LYPD8: variants seen among roughly 807,000 people sequenced by gnomAD.
The protein encoded by LYPD8 is LY6/PLAUR domain containing 8, also known as ly6/PLAUR domain-containing protein 8.
LYPD8 carries 8 observed loss-of-function variants against 1.7 expected under a neutral mutation model. The observed-to-expected ratio is 4.58, with a 90% CI of 2.69 to 8.27. The LOEUF (loss-of-function observed/expected upper bound fraction) is 8.27, where lower values mean the gene tolerates loss of function less well. Ranked by LOEUF, LYPD8 falls within the 30% of genes most tolerant of loss-of-function variation. The probability of loss-of-function intolerance (pLI) is 0.00; values close to 1 mark genes in which losing one functional copy is unlikely to be tolerated. For missense variants in LYPD8, 112 were observed against 102.3 expected (o/e 1.09, Z -0.41); for synonymous variants, 50 against 43.6 (o/e 1.15, Z -0.58).
chr1:248,753,083 CCACACTA>C (rs1662847851), intron 2 of LYPD8, among the ~76,000 whole-genome samples: 1 of 95,536 alleles, frequency 1.0e-5, no homozygotes, highest in African/African-American at 4.2e-5. Context: ...ACACCCCACA[CCACACTA>C]CACACACACC....
intron 2 of LYPD8, among the ~76,000 whole-genome samples, chr1:248,753,954 A>T (rs923892241): frequency 5.7e-5 from 7 of 123,144 alleles, no homozygotes; most frequent in Non-Finnish European, 8.7e-5. Context: ...ATCACATGTC[A>T]CACACATCAC....
At chr1:248,740,091 G>A (rs1443632121) in intron 6 of LYPD8, among the ~76,000 whole-genome samples, 1 of 152,236 alleles carries the variant, frequency 6.6e-6, no homozygotes, top group East Asian at 1.9e-4. Flanking sequence ...CCTGGAGGAA[G>A]CAGACTCCTG....
rs1357246643 is a variant in LYPD8 at position 248,745,661 on chromosome 1, T to A, written c.338-382A>T. 6.6e-5 allele frequency among the ~76,000 whole-genome samples: 10 copies of A among 152,338 alleles called. No individual in the cohort carries two copies. The South Asian group carries it at 2.1e-3, about 32-fold the overall frequency. ...TGAACAAATGAACACAGGCCACTAT[T>A]TAACATTATGACTAGAAGAAAAAAA... On this transcript the variant is annotated intron_variant, in intron 5 of 6. Coordinates refer to ENST00000590317, the MANE Select transcript of LYPD8 (RefSeq NM_001085474.2).
At position 248,751,011 on chromosome 1, in the gene LYPD8, G is replaced by A. The variant is rs1011593671; in HGVS notation, c.52+19C>T. On this transcript the variant is annotated intron_variant, in intron 3 of 6. Transcript: ENST00000590317. ...AAGGGGGTCTCCATTCTAAAAAGGG[G>A]CCACGTGAGTTCTCTTACCTACAGC... 38 of 398,608 alleles carry A rather than the reference G, an allele frequency of 9.5e-5. No homozygotes were observed. Among genetic ancestry groups the A allele is most frequent in the African/African-American group, 7.4e-4 (36 of 48,732 alleles). 24.7% of individuals were successfully genotyped at this position (398,608 alleles called of 1,614,324 possible). A position where few individuals can be genotyped will look rare whatever the true frequency, so the allele number is the denominator to read the frequency against.
At chr1:248,751,404 G>A (rs975230775) in intron 2 of LYPD8, among the ~76,000 whole-genome samples, 13 of 152,162 alleles carry the variant, frequency 8.5e-5, no homozygotes, top group Non-Finnish European at 1.8e-4. Context: ...AAAATGTGCA[G>A]GCAGATTAAT....
intron 2 of LYPD8, among the ~76,000 whole-genome samples, chr1:248,754,955 A>T (rs1254359841): frequency 1.3e-5 from 2 of 151,666 alleles, no homozygotes; most frequent in African/African-American, 4.9e-5. Context: ...CTCAGGTCTT[A>T]CAGTGTGATG....
chr1:248,749,493 A>G (rs1662762095), intron 4 of LYPD8, among the ~76,000 whole-genome samples: 1 of 152,220 alleles, frequency 6.6e-6, no homozygotes, highest in African/African-American at 2.4e-5. Flanking sequence ...AGAGTCTGCA[A>G]AGTACAACAT....
At chr1:248,740,365 A>G (rs1289184736) in intron 6 of LYPD8, among the ~76,000 whole-genome samples, 3 of 152,228 alleles carry the variant, frequency 2.0e-5, no homozygotes, top group African/African-American at 7.2e-5. Flanking sequence ...ACCAGGAGGC[A>G]TATAAGAGAC....
intron 2 of LYPD8, among the ~76,000 whole-genome samples, chr1:248,753,643 T>TACCC (rs1662873368): frequency 1.8e-5 from 1 of 55,246 alleles, no homozygotes; most frequent in Non-Finnish European, 3.4e-5. Context: ...ACACCACACA[T>TACCC]ATACATCACA....
intron 2 of LYPD8, among the ~76,000 whole-genome samples, chr1:248,754,478 C>T (rs1662892161): frequency 6.6e-6 from 1 of 151,502 alleles, no homozygotes; most frequent in African/African-American, 2.4e-5. Context: ...ATCACACACA[C>T]ATCACACACA....
intron 6 of LYPD8, among the ~76,000 whole-genome samples, chr1:248,741,155 A>T (rs1160308409): frequency 6.6e-6 from 1 of 152,220 alleles, no homozygotes; most frequent in East Asian, 1.9e-4. Context: ...ACTTGTTTGG[A>T]AAAGGAGTTA....
intron 2 of LYPD8, among the ~76,000 whole-genome samples, chr1:248,753,325 C>T (rs1473283935): frequency 8.5e-6 from 1 of 117,596 alleles, no homozygotes; most frequent in African/African-American, 3.3e-5. Flanking sequence ...CAACACACAA[C>T]ACATCACACA....
intron 6 of LYPD8, among the ~76,000 whole-genome samples, chr1:248,742,745 G>T (rs1662634100): frequency 2.0e-5 from 2 of 98,656 alleles, no homozygotes; most frequent in Non-Finnish European, 3.9e-5. Context: ...GGCAGCCGGG[G>T]AGATTATGCT....
At chr1:248,753,405 ACACACAC>A (rs1295793025) in intron 2 of LYPD8, among the ~76,000 whole-genome samples, 10 of 115,994 alleles carry the variant, frequency 8.6e-5, no homozygotes, top group East Asian at 2.7e-4. Context: ...TACACATCAC[ACACACAC>A]CACACACCAC....
rs1311603885 is a variant in LYPD8, at chr1:248,751,129, G to A, written c.-48C>T. 1 of 398,646 alleles carries A rather than the reference G, an allele frequency of 2.5e-6. No homozygotes were observed. The highest frequency in any genetic ancestry group is 4.4e-6 in the Non-Finnish European group (1 of 226,092). The allele number at this position is 398,646 out of a possible 1,614,324, so 24.7% of individuals were successfully genotyped here. On this transcript the variant is annotated splice_region_variant and 5_prime_UTR_variant, in exon 3 of 7. Coordinates refer to ENST00000590317, the MANE Select transcript of LYPD8 (RefSeq NM_001085474.2). ...AAGGATGGGGACCACAGGGCCTCAAGCCTGAAAAGACACAAAGAAGGCAGC... is the reference window on the plus strand; with the variant it reads ...AAGGATGGGGACCACAGGGCCTCAAACCTGAAAAGACACAAAGAAGGCAGC...
chr1:248,741,089 G>A (rs933711787), intron 6 of LYPD8, among the ~76,000 whole-genome samples: 2 of 152,060 alleles, frequency 1.3e-5, no homozygotes, highest in Non-Finnish European at 2.9e-5. Context: ...ATTCCGGCCC[G>A]GGCGACAGAG....
intron 2 of LYPD8, among the ~76,000 whole-genome samples, chr1:248,752,862 C>CT (rs1662836737): frequency 1.1e-5 from 1 of 92,654 alleles, no homozygotes; most frequent in Non-Finnish European, 2.2e-5. Context: ...CCACACCACA[C>CT]ACACACCACA....
intron 2 of LYPD8, among the ~76,000 whole-genome samples, chr1:248,752,839 CCACA>C (rs1182804290): frequency 4.1e-5 from 4 of 96,618 alleles, no homozygotes; most frequent in African/African-American, 1.1e-4. Context: ...ACACCACACC[CCACA>C]CACACACACC....
intron 2 of LYPD8, among the ~76,000 whole-genome samples, chr1:248,751,540 T>G (rs903147122): frequency 7.2e-5 from 11 of 152,128 alleles, no homozygotes; most frequent in Non-Finnish European, 1.5e-4. Flanking sequence ...TATTTTACAC[T>G]TAAGGGTTCT....
Sources: allele counts gnomAD v4.1 joint callset (sites outside exome capture counted in the v4.1 genomes callset), GRCh38; gene constraint gnomAD v4.1.1; transcripts MANE v1.5; gene names NCBI Gene and HGNC (gene_info 2026-07-23, HGNC 2026-07-21).